Variants in MOB1B observed in about 807,000 individuals in gnomAD.
MOB1B encodes MOB kinase activator 1B.
In MOB1B, 19 loss-of-function variants were observed where a neutral mutation model predicts 24.4. The observed-to-expected ratio is 0.78, with a 90% confidence interval of 0.54 to 1.14. The LOEUF (loss-of-function observed/expected upper bound fraction) is 1.14. Among genes scored for constraint, MOB1B ranks in the 50% most tolerant of loss-of-function variants. The pLI is 0.00. For synonymous variants in MOB1B, 76 were observed against 82.1 expected, an observed-to-expected ratio of 0.93 and a Z score of 0.40; for missense variants, 243 against 259.6, an observed-to-expected ratio of 0.94 and a Z score of 0.44.
intron 1 of MOB1B, among the ~76,000 whole-genome samples, chr4:70,954,887 G>C (rs1027047476): frequency 1.3e-5 from 2 of 152,158 alleles, no homozygotes; most frequent in African/African-American, 4.8e-5. Context: ...CCAGGTTCAA[G>C]CAATTCTCCT....
At chr4:70,965,372 GA>G (rs977634070) in intron 2 of MOB1B, among the ~76,000 whole-genome samples, 19 of 143,960 alleles carry the variant, frequency 1.3e-4, no homozygotes, top group Non-Finnish European at 2.3e-4. Flanking sequence ...GATTGATCAA[GA>G]AAAAAATATT....
chr4:70,980,173 T>G (rs146475236), intron 5 of MOB1B, among the ~76,000 whole-genome samples: 6 of 152,338 alleles, frequency 3.9e-5, no homozygotes, highest in African/African-American at 1.4e-4. Flanking sequence ...CTCCTCACAC[T>G]GAAGGCACAC....
Position 70,982,072 on chromosome 4 carries a change from G to A in MOB1B, c.*15G>A, listed in dbSNP as rs1194608587. 2 of 1,580,786 alleles carry A rather than the reference G, an allele frequency of 1.3e-6. No homozygotes were observed. The highest frequency in any genetic ancestry group is 2.2e-5 in the East Asian group (1 of 44,656). Reference sequence around the variant, plus strand: ...AAGACAGATAAAAGGATGCAGAGCTGTGCAAATTGTTCCTCAAATGAAGCA... The same window carrying A: ...AAGACAGATAAAAGGATGCAGAGCTATGCAAATTGTTCCTCAAATGAAGCA... On this transcript the variant is annotated 3_prime_UTR_variant, in exon 6 of 6. Transcript: ENST00000309395.
intron 1 of MOB1B, among the ~76,000 whole-genome samples, chr4:70,920,565 G>A (rs1257849559): frequency 6.6e-6 from 1 of 152,200 alleles, no homozygotes; most frequent in Non-Finnish European, 1.5e-5. Context: ...TTATGGAGGA[G>A]ATAAACAGTG....
At chr4:70,930,812 T>C (rs1358560866) in intron 1 of MOB1B, among the ~76,000 whole-genome samples, 1 of 152,200 alleles carries the variant, frequency 6.6e-6, no homozygotes, top group Non-Finnish European at 1.5e-5. Context: ...CACTTATTTC[T>C]GTTATCCTCT....
chr4:70,945,291 A>G (rs1201228541), intron 1 of MOB1B, among the ~76,000 whole-genome samples: 1 of 152,236 alleles, frequency 6.6e-6, no homozygotes, highest in Non-Finnish European at 1.5e-5. Flanking sequence ...AACAGAAGTT[A>G]GAAGTCAGAA....
At chr4:70,923,084 A>C (rs981171124) in intron 1 of MOB1B, among the ~76,000 whole-genome samples, 4 of 152,172 alleles carry the variant, frequency 2.6e-5, no homozygotes, top group African/African-American at 9.7e-5. Context: ...CGTCACATTA[A>C]TCAGGCCCCC....
chr4:70,955,464 C>CTTT (rs36054184), intron 1 of MOB1B, among the ~76,000 whole-genome samples: 111 of 89,268 alleles, frequency 1.2e-3, no homozygotes, highest in Middle Eastern at 7.9e-3. Flanking sequence ...AGTATGTGTC[C>CTTT]TTTTTTTTTT....
chr4:70,921,392 T>G (rs1736430737), intron 1 of MOB1B, among the ~76,000 whole-genome samples: 1 of 152,062 alleles, frequency 6.6e-6, no homozygotes, highest in Non-Finnish European at 1.5e-5. Context: ...GGCTCCACAG[T>G]AAATCCAGCT....
intron 1 of MOB1B, among the ~76,000 whole-genome samples, chr4:70,926,732 C>T (rs1347727366): frequency 1.3e-5 from 2 of 152,070 alleles, no homozygotes; most frequent in Non-Finnish European, 2.9e-5. Flanking sequence ...ATGTGCCGGG[C>T]GCAGTGGCTC....
rs182056169 is a variant in MOB1B at position 70,941,643 on chromosome 4, G to T, written c.15-17231G>T. On this transcript the variant is annotated intron_variant, in intron 1 of 5. Coordinates refer to ENST00000309395, the MANE Select transcript of MOB1B (RefSeq NM_173468.4). ...GGTGTGAGCTACCGTGCCCAGTCAA[G>T]AAATTTCTTCCTTCTTTCCCTTACT... is the stretch of plus-strand genomic sequence containing the variant. 3.0e-3 allele frequency among the ~76,000 whole-genome samples: 458 copies of T among 152,252 alleles called. 3 individuals carry two copies. The highest frequency in any genetic ancestry group is 4.5e-3 in the Non-Finnish European group (309 of 68,000).
At chr4:70,904,855 A>G (rs1354139551) in intron 1 of MOB1B, among the ~76,000 whole-genome samples, 1 of 152,102 alleles carries the variant, frequency 6.6e-6, no homozygotes, top group Non-Finnish European at 1.5e-5. Context: ...GAATACAAAT[A>G]CAGTAGAATC....
intron 1 of MOB1B, among the ~76,000 whole-genome samples, chr4:70,946,084 CTTTTTTTTTTTTTT>C (rs11331194): frequency 2.3e-5 from 2 of 85,394 alleles, no homozygotes; most frequent in Non-Finnish European, 4.8e-5. Context: ...TTTGTTTGTT[CTTTTTTTTTTTTTT>C]TTTTTTTTGG....
chr4:70,950,127 G>A (rs1737741912), intron 1 of MOB1B, among the ~76,000 whole-genome samples: 2 of 152,042 alleles, frequency 1.3e-5, no homozygotes, highest in Non-Finnish European at 2.9e-5. Context: ...GAGTAATGTT[G>A]GGTAGTGGGT....
intron 1 of MOB1B, among the ~76,000 whole-genome samples, chr4:70,927,459 G>A (rs1736700496): frequency 6.6e-6 from 1 of 152,014 alleles, no homozygotes; most frequent in South Asian, 2.1e-4. Context: ...AGAATCGCTT[G>A]AACCTGGGAG....
At chr4:70,933,726 A>G (rs765258615) in intron 1 of MOB1B, among the ~76,000 whole-genome samples, 8 of 151,592 alleles carry the variant, frequency 5.3e-5, no homozygotes, top group Non-Finnish European at 7.4e-5. Flanking sequence ...TAATTTTTGT[A>G]TTTTTAGTAG....
At chr4:70,950,788 A>T (rs1194224396) in intron 1 of MOB1B, 1 of 1,530,502 alleles carries the variant, frequency 6.5e-7, no homozygotes, top group East Asian at 2.5e-5. Flanking sequence ...GACCTATGGA[A>T]GGAGCTACTG....
intron 3 of MOB1B, among the ~76,000 whole-genome samples, chr4:70,973,705 G>T (rs1342261205): frequency 1.3e-5 from 2 of 152,110 alleles, no homozygotes; most frequent in Non-Finnish European, 2.9e-5. Context: ...GTAAAAACAG[G>T]ATATCAAGAG....
intron 1 of MOB1B, among the ~76,000 whole-genome samples, chr4:70,918,498 G>A (rs1362605504): frequency 1.3e-5 from 2 of 151,966 alleles, no homozygotes; most frequent in African/African-American, 2.4e-5. Flanking sequence ...CTTTTGAGAA[G>A]TGCCTGTTCA....
Sources: gnomAD v4.1 joint callset for allele counts (sites outside exome capture counted in the v4.1 genomes callset) on GRCh38, gnomAD v4.1.1 for gene constraint, MANE v1.5 for transcripts, NCBI Gene and HGNC (gene_info 2026-07-23, HGNC 2026-07-21) for gene names.